The following NFIB variants were observed in gnomAD, a reference collection of about 807,000 sequenced individuals.
NFIB encodes nuclear factor I B, also known as nuclear factor 1 B-type.
Under a neutral mutation model 61.5 loss-of-function variants are expected in NFIB, and 11 were observed. That is an observed-to-expected ratio of 0.18 (90% CI 0.11 to 0.30). The LOEUF (loss-of-function observed/expected upper bound fraction) is 0.30. Among genes scored for constraint, NFIB ranks in the 10% least tolerant of loss-of-function variants. The pLI, the probability that NFIB is intolerant of heterozygous loss-of-function variation, is 1.00. For synonymous variants in NFIB, 260 were observed against 216.5 expected (o/e 1.20, Z -1.76); for missense variants, 471 against 608.9 (o/e 0.77, Z 2.38).
chr9:14,181,307 C>A (rs1466405605), intron 2 of NFIB, among the ~76,000 whole-genome samples: 1 of 152,072 alleles, frequency 6.6e-6, no homozygotes, highest in Non-Finnish European at 1.5e-5. Flanking sequence ...TAGTGATTCC[C>A]ACATTTTCCT....
the NFIB span, among the ~76,000 whole-genome samples, chr9:14,506,556 G>T: frequency 6.6e-6 from 1 of 152,240 alleles, no homozygotes; most frequent in South Asian, 2.1e-4. Context: ...AATTAGGAGG[G>T]ATTATTTTTG....
In NFIB at chr9:14,287,502, C is replaced by A. The variant is rs184790702; in HGVS notation, c.562+19487G>T. 1.4e-3 allele frequency among the ~76,000 whole-genome samples: 218 copies of A among 152,076 alleles called. 2 individuals carry two copies. The highest frequency in any genetic ancestry group is 0.01 in the Middle Eastern group (3 of 294). ...GCAATGGCGCGATCTCGGCTCACTG[C>A]AACCTCTGCCTCCCGGGTTCAAACG... On this transcript the variant is annotated intron_variant, in intron 2 of 10. Coordinates refer to ENST00000380953, the MANE Select transcript of NFIB (RefSeq NM_001190737.2).
chr9:14,108,953 G>T (rs2036955390), intron 10 of NFIB, among the ~76,000 whole-genome samples: 1 of 152,026 alleles, frequency 6.6e-6, no homozygotes, highest in African/African-American at 2.4e-5. Flanking sequence ...AACTTACAAT[G>T]AGATTTTTAA....
At position 14,314,097 on chromosome 9, in the gene NFIB, G is replaced by A. The variant is rs2060424683; in HGVS notation, c.-586C>T. On this transcript the variant is annotated 5_prime_UTR_variant, in exon 1 of 11. Transcript: ENST00000380953. Reference sequence around the variant, plus strand: ...TGGTGATCGCAGGCGAAACTTTGCCGCGAGCCGACCATGTGTGTGCGCGAG... The same window carrying A: ...TGGTGATCGCAGGCGAAACTTTGCCACGAGCCGACCATGTGTGTGCGCGAG... 1 of 1,048,638 alleles carries A rather than the reference G, an allele frequency of 9.5e-7. No homozygotes were observed. The allele number at this position is 1,048,638 out of a possible 1,614,324, so 65.0% of individuals were successfully genotyped here. A position where few individuals can be genotyped will look rare whatever the true frequency, so the allele number is the denominator to read the frequency against.
upstream of NFIB, among the ~76,000 whole-genome samples, chr9:14,402,336 A>G (rs1325954337): frequency 1.3e-5 from 2 of 152,130 alleles, no homozygotes; most frequent in Admixed American, 6.5e-5. Context: ...TGCAAATCCC[A>G]TTTTCTCTTT....
Position 14,313,908 on chromosome 9 carries a change from G to C in NFIB, c.-397C>G. On this transcript the variant is annotated 5_prime_UTR_variant, in exon 1 of 11. Transcript: ENST00000380953. The surrounding 1 kb of genome is among the most constrained non-coding windows in gnomAD (Gnocchi z 4.5). ...GAAGGTTCGGTGTGGGTTGGATTGG[G>C]GTGGTGGTTGGTGGTAAAATGCTTT... 9.4e-7 allele frequency: 1 copy of C among 1,069,144 alleles called. No homozygotes were observed. Among genetic ancestry groups the C allele is most frequent in the Non-Finnish European group, 1.1e-6 (1 of 883,268 alleles). The allele number at this position is 1,069,144 out of a possible 1,614,324, so 66.2% of individuals were successfully genotyped here. A position where few individuals can be genotyped will look rare whatever the true frequency, so the allele number is the denominator to read the frequency against.
chr9:14,381,167 A>T (rs1358223880), intron 1 of NFIB, among the ~76,000 whole-genome samples: 1 of 151,618 alleles, frequency 6.6e-6, no homozygotes, highest in Non-Finnish European at 1.5e-5. Flanking sequence ...CATGGATGCA[A>T]AAAGCATTTT....
the NFIB span, among the ~76,000 whole-genome samples, chr9:14,427,936 TG>T: frequency 2.4e-5 from 3 of 124,808 alleles, 1 homozygote; most frequent in Non-Finnish European, 4.9e-5. Flanking sequence ...TTAATTCAGT[TG>T]TTTTTTTTTT....
chr9:14,289,133 T>C (rs2058919465), intron 2 of NFIB, among the ~76,000 whole-genome samples: 1 of 145,792 alleles, frequency 6.9e-6, no homozygotes, highest in Non-Finnish European at 1.5e-5. Context: ...TATATATATA[T>C]ATATATACAT....
the NFIB span, among the ~76,000 whole-genome samples, chr9:14,451,423 A>G: frequency 4.6e-5 from 7 of 152,318 alleles, no homozygotes; most frequent in South Asian, 1.2e-3. Flanking sequence ...TTCAACATTG[A>G]CCAACTATTG....
chr9:14,481,178 A>AGTGT, the NFIB span, among the ~76,000 whole-genome samples: 96 of 67,280 alleles, frequency 1.4e-3, 1 homozygote, highest in African/African-American at 2.6e-3. Context: ...TCAAAAACTG[A>AGTGT]GTGTGTGTGT....
At chr9:14,220,233 T>C (rs1347067849) in intron 2 of NFIB, among the ~76,000 whole-genome samples, 1 of 152,208 alleles carries the variant, frequency 6.6e-6, no homozygotes, top group East Asian at 1.9e-4. Flanking sequence ...TTAGTTATTA[T>C]TGATAACAAG....
chr9:14,313,866 G>T lies in NFIB; in HGVS notation c.-355C>A. 8.8e-7 allele frequency: 1 copy of T among 1,134,302 alleles called. No individual in the cohort carries two copies. Among genetic ancestry groups the T allele is most frequent in the Non-Finnish European group, 1.1e-6 (1 of 922,904 alleles). The allele number at this position is 1,134,302 out of a possible 1,614,324, so 70.3% of individuals were successfully genotyped here. A position where few individuals can be genotyped will look rare whatever the true frequency, so the allele number is the denominator to read the frequency against. ...TATTTTGCAGTTGTTGTTGTTGTTG[G>T]GGTGTAGGGGGTGCGCGAAGGTTCG... is the stretch of plus-strand genomic sequence containing the variant. On this transcript the variant is annotated 5_prime_UTR_variant, in exon 1 of 11. Transcript: ENST00000380953. This position sits in a 1 kb window ranked among gnomAD's most constrained non-coding sequence, Gnocchi z 4.5.
At chr9:14,148,363 C>T (rs2042507346) in intron 5 of NFIB, among the ~76,000 whole-genome samples, 1 of 151,914 alleles carries the variant, frequency 6.6e-6, no homozygotes, top group Non-Finnish European at 1.5e-5. Flanking sequence ...ATCCTCCTGC[C>T]TGGGCCTCCC....
chr9:14,252,344 A>T (rs538892823), intron 2 of NFIB, among the ~76,000 whole-genome samples: 25 of 152,276 alleles, frequency 1.6e-4, no homozygotes, highest in African/African-American at 6.0e-4. Flanking sequence ...AATTCATTTT[A>T]AAAACTCACT....
intron 6 of NFIB, 80 bp downstream of exon 6, chr9:14,146,609 T>C (rs2042300755): frequency 1.3e-6 from 2 of 1,594,200 alleles, no homozygotes; most frequent in African/African-American, 1.3e-5. Flanking sequence ...GGTTTAATTA[T>C]GAAATTTTGA....
At chr9:14,211,629 A>T (rs1176279860) in intron 2 of NFIB, among the ~76,000 whole-genome samples, 1 of 152,240 alleles carries the variant, frequency 6.6e-6, no homozygotes, top group African/African-American at 2.4e-5. Flanking sequence ...AAACAAGTCA[A>T]AGGAGTTGGT....
chr9:14,396,518 A>G (rs765966882), intron 1 of NFIB, among the ~76,000 whole-genome samples: 4 of 152,046 alleles, frequency 2.6e-5, no homozygotes, highest in Non-Finnish European at 2.9e-5. Context: ...ATTATAGGCT[A>G]TAAGATATCT....
the NFIB span, among the ~76,000 whole-genome samples, chr9:14,458,790 C>T: frequency 2.0e-5 from 3 of 151,860 alleles, no homozygotes; most frequent in Non-Finnish European, 1.5e-5. Context: ...GAATAAAATA[C>T]CTAGGAATCC....
Sources: allele counts gnomAD v4.1 joint callset (sites outside exome capture counted in the v4.1 genomes callset), GRCh38; gene constraint gnomAD v4.1.1; non-coding constraint Gnocchi (gnomAD v3.1); transcripts MANE v1.5; gene names NCBI Gene and HGNC (gene_info 2026-07-23, HGNC 2026-07-21).